SH3GL2: variants seen among roughly 807,000 people sequenced by gnomAD.
SH3GL2 encodes the protein SH3 domain containing GRB2 like 2, endophilin A1.
A neutral mutation model predicts 46.0 loss-of-function variants in SH3GL2; 24 were observed. That is an observed-to-expected ratio of 0.52 (90% CI 0.38 to 0.73). SH3GL2 has a LOEUF of 0.73. Among genes scored for constraint, SH3GL2 ranks in the 30% least tolerant of loss-of-function variants. The pLI, the probability that SH3GL2 is intolerant of heterozygous loss-of-function variation, is 0.00. For synonymous variants in SH3GL2, 196 were observed against 147.1 expected, an observed-to-expected ratio of 1.33 and a Z score of -2.40; for missense variants, 413 against 424.2, an observed-to-expected ratio of 0.97 and a Z score of 0.23.
In SH3GL2 at chr9:17,684,908, A is replaced by G. The variant is rs117858596; in HGVS notation, c.46-62158A>G. 1.4e-3 allele frequency among the ~76,000 whole-genome samples: 209 copies of G among 152,274 alleles called. 6 individuals are homozygous for G. The East Asian group carries it at 0.028, about 21-fold the overall frequency. The stretch of plus-strand genomic sequence containing the variant: ...TTTCACTGCCAACATTTAAAAATCA[A>G]TGGAAATGAAGATAAGGCTCTGGTC... On this transcript the variant is annotated intron_variant, in intron 1 of 8. Transcript: ENST00000380607.
rs748586774 is a variant in SH3GL2 at position 17,761,406 on chromosome 9, G to T, written c.115-31G>T. 5.7e-6 allele frequency: 8 copies of T among 1,410,954 alleles called. No individual in the cohort carries two copies. The South Asian group carries it at 9.2e-5, about 16-fold the overall frequency. The allele number at this position is 1,410,954 out of a possible 1,614,324, so 87.4% of individuals were successfully genotyped here. On this transcript the variant is annotated intron_variant, in intron 2 of 8. Transcript: ENST00000380607. ...CGGTATTCTAAAGCTCATCATTTTT[G>T]TCATTTAGAGCACTTATTTTCTCAT... is the stretch of plus-strand genomic sequence containing the variant.
At chr9:17,648,984 G>A (rs1380033513) in intron 1 of SH3GL2, among the ~76,000 whole-genome samples, 1 of 152,194 alleles carries the variant, frequency 6.6e-6, no homozygotes, top group East Asian at 1.9e-4. Flanking sequence ...GAATAGAACT[G>A]TGTTTCCTGT....
At chr9:17,652,094 C>A (rs1262937923) in intron 1 of SH3GL2, among the ~76,000 whole-genome samples, 1 of 152,084 alleles carries the variant, frequency 6.6e-6, no homozygotes, top group Non-Finnish European at 1.5e-5. Flanking sequence ...TTTCTGCTTT[C>A]ACATTTCTGG....
chr9:17,647,522 G>A (rs1819847913), intron 1 of SH3GL2, among the ~76,000 whole-genome samples: 1 of 152,074 alleles, frequency 6.6e-6, no homozygotes, highest in Non-Finnish European at 1.5e-5. Context: ...CCACAAAGCT[G>A]TTGTTCTTAA....
chr9:17,584,329 C>T (rs1018346019), intron 1 of SH3GL2, among the ~76,000 whole-genome samples: 1 of 152,050 alleles, frequency 6.6e-6, no homozygotes, highest in South Asian at 2.1e-4. Context: ...AGTGAAACCT[C>T]GTCTCTACTA....
At chr9:17,746,632 G>T (rs1311937036) in intron 1 of SH3GL2, among the ~76,000 whole-genome samples, 3 of 152,134 alleles carry the variant, frequency 2.0e-5, no homozygotes, top group Non-Finnish European at 2.9e-5. Context: ...ATAGATGTTT[G>T]TGATTATCTG....
At chr9:17,683,239 G>T (rs1235393132) in intron 1 of SH3GL2, among the ~76,000 whole-genome samples, 1 of 152,106 alleles carries the variant, frequency 6.6e-6, no homozygotes, top group East Asian at 1.9e-4. Context: ...GTTACATGCA[G>T]GCAGTTCTCT....
At chr9:17,622,871 G>A (rs1390591230) in intron 1 of SH3GL2, among the ~76,000 whole-genome samples, 3 of 152,110 alleles carry the variant, frequency 2.0e-5, no homozygotes, top group African/African-American at 4.8e-5. Context: ...ATCCTCTGCC[G>A]CAGTTTTTGA....
chr9:17,599,543 G>A (rs1818631263), intron 1 of SH3GL2, among the ~76,000 whole-genome samples: 1 of 150,716 alleles, frequency 6.6e-6, no homozygotes, highest in Non-Finnish European at 1.5e-5. Flanking sequence ...AATTGGGGAT[G>A]TGCAAAGATG....
chr9:17,795,607 A>G lies in SH3GL2; in HGVS notation c.923A>G (p.Glu308Gly). ...LYDFEPENEGELGFKEGDIIT... is the reference protein window; with the variant it reads ...LYDFEPENEGGLGFKEGDIIT... ...GACTTTGAACCTGAAAATGAAGGGGAGTTGGGATTTAAAGAGGGCGATATC... is the reference window on the plus strand; with the variant it reads ...GACTTTGAACCTGAAAATGAAGGGGGGTTGGGATTTAAAGAGGGCGATATC... The change falls in exon 9 of 9, where the codon GAG becomes GGG. Residue 308 changes from glutamate to glycine, a missense_variant. By Grantham distance (98) the Glu-to-Gly change is moderately conservative (BLOSUM62 -2). This residue lies in a region of SH3GL2 where 248 missense variants were observed against 215.0 expected (regional missense o/e 1.15). Coordinates refer to ENST00000380607, the MANE Select transcript of SH3GL2 (RefSeq NM_003026.5). The G allele has an allele frequency of 6.2e-7, 1 of 1,613,942 alleles. No individual in the cohort carries two copies. The highest frequency in any genetic ancestry group is 8.5e-7 in the Non-Finnish European group (1 of 1,179,930).
At chr9:17,780,459 G>A (rs566301520) in intron 3 of SH3GL2, among the ~76,000 whole-genome samples, 1 of 147,828 alleles carries the variant, frequency 6.8e-6, no homozygotes, top group Admixed American at 6.9e-5. Context: ...TAGATATTTT[G>A]AATAGCACAG....
At chr9:17,662,703 C>CTTTTTT (rs559842403) in intron 1 of SH3GL2, among the ~76,000 whole-genome samples, 3 of 96,960 alleles carry the variant, frequency 3.1e-5, no homozygotes, top group Non-Finnish European at 3.8e-5. Context: ...TTGGCCAAGT[C>CTTTTTT]TTTTTTTTTT....
At chr9:17,601,239 T>C (rs1175197999) in intron 1 of SH3GL2, among the ~76,000 whole-genome samples, 1 of 151,940 alleles carries the variant, frequency 6.6e-6, no homozygotes, top group Non-Finnish European at 1.5e-5. Context: ...TGTTTTTCTT[T>C]TTCTTTTTTT....
At chr9:17,623,436 A>G (rs1309926356) in intron 1 of SH3GL2, among the ~76,000 whole-genome samples, 2 of 152,120 alleles carry the variant, frequency 1.3e-5, no homozygotes, top group Admixed American at 6.5e-5. Flanking sequence ...AAAATGACCT[A>G]TCAATCTTAG....
At chr9:17,737,508 C>G (rs570880172) in intron 1 of SH3GL2, among the ~76,000 whole-genome samples, 7 of 152,196 alleles carry the variant, frequency 4.6e-5, no homozygotes, top group South Asian at 2.1e-4. Context: ...CACATATACG[C>G]AGTTTGCACT....
intron 1 of SH3GL2, among the ~76,000 whole-genome samples, chr9:17,667,277 C>G (rs144494991): frequency 4.6e-5 from 7 of 152,150 alleles, no homozygotes; most frequent in Admixed American, 3.9e-4. Flanking sequence ...TTAGCATATT[C>G]ACAAGATTGT....
intron 2 of SH3GL2, among the ~76,000 whole-genome samples, chr9:17,753,033 C>A (rs1241844811): frequency 1.3e-5 from 2 of 152,094 alleles, no homozygotes; most frequent in Non-Finnish European, 1.5e-5. Context: ...CTGCAAAGAA[C>A]CTGCTCTCTC....
chr9:17,707,788 T>A (rs994168965), intron 1 of SH3GL2, among the ~76,000 whole-genome samples: 2 of 152,048 alleles, frequency 1.3e-5, no homozygotes, highest in Non-Finnish European at 2.9e-5. Context: ...GCACGGTCCC[T>A]TACATAAGCC....
At chr9:17,605,386 G>T (rs1463222516) in intron 1 of SH3GL2, among the ~76,000 whole-genome samples, 1 of 152,098 alleles carries the variant, frequency 6.6e-6, no homozygotes, top group East Asian at 1.9e-4. Flanking sequence ...TCCAGAGGAA[G>T]ACTTCATCCG....
Sources: gnomAD v4.1 joint callset for allele counts (sites outside exome capture counted in the v4.1 genomes callset) on GRCh38, gnomAD v4.1.1 for gene constraint, gnomAD v4.1.1 regional missense constraint, MANE v1.5 for transcripts, NCBI Gene and HGNC (gene_info 2026-07-23, HGNC 2026-07-21) for gene names.